SCLT1: variants seen among roughly 807,000 people sequenced by gnomAD.
The protein encoded by SCLT1 is sodium channel-associated protein 1.
Under a neutral mutation model 112.8 loss-of-function variants are expected in SCLT1, and 78 were observed. The ratio of observed to expected loss-of-function variants is 0.69; its 90% CI spans 0.58 to 0.83. The LOEUF is 0.83. SCLT1 is among the 40% of genes least tolerant of loss of function. The pLI is 0.00. For synonymous variants in SCLT1, 257 were observed against 254.7 expected, an observed-to-expected ratio of 1.01 and a Z score of -0.09; for missense variants, 747 against 770.4, an observed-to-expected ratio of 0.97 and a Z score of 0.36.
intron 6 of SCLT1, among the ~76,000 whole-genome samples, chr4:129,000,147 A>AT (rs1315010378): frequency 1.3e-5 from 2 of 151,852 alleles, no homozygotes; most frequent in African/African-American, 2.4e-5. Flanking sequence ...AAAGTACAAT[A>AT]TTTTTTTCCT....
At chr4:129,076,681 T>C (rs1236696633) in intron 2 of SCLT1, among the ~76,000 whole-genome samples, 3 of 141,726 alleles carry the variant, frequency 2.1e-5, no homozygotes, top group Non-Finnish European at 4.8e-5. Flanking sequence ...AAAAAGCAAG[T>C]ATTCAAGAAA....
At chr4:128,989,784 AC>A (rs1354425440) in intron 9 of SCLT1, among the ~76,000 whole-genome samples, 1 of 151,856 alleles carries the variant, frequency 6.6e-6, no homozygotes, top group Admixed American at 6.6e-5. Flanking sequence ...AACTGAAACC[AC>A]AAAAATTCAA....
At chr4:128,873,273 G>GAAAAAAAAAAAAA (rs1553953485) in intron 5 of SCLT1, 1 of 78,660 alleles carries the variant, frequency 1.3e-5, no homozygotes, top group African/African-American at 4.7e-5. Flanking sequence ...AAAAAAAAAA[G>GAAAAAAAAAAAAA]AAAAAAAGAA....
downstream of SCLT1, among the ~76,000 whole-genome samples, chr4:128,879,482 C>CAAT (rs1732593975): frequency 6.6e-6 from 1 of 152,140 alleles, no homozygotes; most frequent in African/African-American, 2.4e-5. Context: ...CAATGTTGCA[C>CAAT]AATAGTACAA....
chr4:128,980,637 GC>G (rs1377581734), intron 9 of SCLT1, among the ~76,000 whole-genome samples: 1 of 151,986 alleles, frequency 6.6e-6, no homozygotes, highest in Non-Finnish European at 1.5e-5. Flanking sequence ...AATATTTAAG[GC>G]TCTAGCACCC....
intron 18 of SCLT1, among the ~76,000 whole-genome samples, chr4:128,896,990 A>T (rs1312869667): frequency 6.6e-6 from 1 of 152,160 alleles, no homozygotes; most frequent in Non-Finnish European, 1.5e-5. Context: ...AATAAAAAGA[A>T]ACGAACAAAG....
At chr4:129,027,143 T>A (rs1164113854) in intron 5 of SCLT1, among the ~76,000 whole-genome samples, 1 of 152,146 alleles carries the variant, frequency 6.6e-6, no homozygotes, top group African/African-American at 2.4e-5. Context: ...CTGGTACCAT[T>A]CCTTCCGAAA....
At chr4:128,996,107 CT>C (rs1166030434) in intron 8 of SCLT1, among the ~76,000 whole-genome samples, 1 of 151,970 alleles carries the variant, frequency 6.6e-6, no homozygotes, top group South Asian at 2.1e-4. Context: ...GCTAAGGGGT[CT>C]TTTTTTGATC....
chr4:128,909,068 G>A (rs1734903188), intron 18 of SCLT1, among the ~76,000 whole-genome samples: 2 of 152,086 alleles, frequency 1.3e-5, no homozygotes, highest in Admixed American at 1.3e-4. Flanking sequence ...CAAACATACT[G>A]ATTGTATTAC....
chr4:129,031,310 C>G (rs536671331), intron 5 of SCLT1, among the ~76,000 whole-genome samples: 1 of 152,150 alleles, frequency 6.6e-6, no homozygotes, highest in East Asian at 1.9e-4. Context: ...TGGAGCATTT[C>G]TCAAATTAGT....
intron 2 of SCLT1, among the ~76,000 whole-genome samples, chr4:129,064,246 T>C (rs1436990610): frequency 1.4e-4 from 21 of 152,220 alleles, no homozygotes; most frequent in Admixed American, 1.4e-3. Flanking sequence ...TATATATGGT[T>C]TGCAAATTTT....
chr4:128,879,744 ATTGT>A (rs1030316559), downstream of SCLT1, among the ~76,000 whole-genome samples: 3 of 152,184 alleles, frequency 2.0e-5, no homozygotes, highest in African/African-American at 7.2e-5. Context: ...TCTCCACTGG[ATTGT>A]TTTAGTTATT....
chr4:128,888,759 G>T lies in SCLT1; in HGVS notation c.1924C>A (p.Leu642Ile). ...EKVAENEKLI[L>I]EHQEKANRLQ... ...CTGTTGGCTTTTTCTTGATGCTCTA[G>T]AATTAGCTTTTCATTCTATTAAGGG... The change falls in exon 20 of 21, where the codon CTA (leucine) becomes ATA (isoleucine). Residue 642 changes from leucine to isoleucine, a missense_variant. Coordinates refer to ENST00000281142, the MANE Select transcript of SCLT1 (RefSeq NM_144643.4). 6.2e-7 allele frequency: 1 copy of T among 1,607,162 alleles called. No homozygotes were observed. The highest frequency in any genetic ancestry group is 8.5e-7 in the Non-Finnish European group (1 of 1,174,202).
At chr4:128,990,679 T>C (rs2126066925) in intron 9 of SCLT1, among the ~76,000 whole-genome samples, 1 of 151,954 alleles carries the variant, frequency 6.6e-6, no homozygotes, top group South Asian at 2.1e-4. Flanking sequence ...GACATGATCT[T>C]ATATTTAGAA....
intron 15 of SCLT1, among the ~76,000 whole-genome samples, chr4:128,947,048 C>G (rs1437882471): frequency 6.6e-6 from 1 of 152,216 alleles, no homozygotes; most frequent in Non-Finnish European, 1.5e-5. Flanking sequence ...ACTGACAGGA[C>G]TGCTTTGTCA....
intron 18 of SCLT1, among the ~76,000 whole-genome samples, chr4:128,904,267 G>T (rs778681667): frequency 1.3e-5 from 2 of 152,042 alleles, no homozygotes; most frequent in Non-Finnish European, 2.9e-5. Context: ...ACTGGGAAGT[G>T]CTTAGTTCAT....
At chr4:128,978,913 G>T (rs965606310) in intron 9 of SCLT1, among the ~76,000 whole-genome samples, 1 of 151,978 alleles carries the variant, frequency 6.6e-6, no homozygotes, top group African/African-American at 2.4e-5. Flanking sequence ...GAGAAAGAAA[G>T]AAATGGTTAC....
At chr4:128,983,965 C>T (rs996143231) in intron 9 of SCLT1, among the ~76,000 whole-genome samples, 5 of 152,216 alleles carry the variant, frequency 3.3e-5, no homozygotes, top group African/African-American at 1.2e-4. Context: ...CACTCTCTTC[C>T]GTAAAAGAAG....
intron 2 of SCLT1, among the ~76,000 whole-genome samples, chr4:129,059,360 T>A (rs1749743794): frequency 6.6e-6 from 1 of 152,188 alleles, no homozygotes; most frequent in Non-Finnish European, 1.5e-5. Flanking sequence ...CTTTTGCTCC[T>A]GTTTTTCTCT....
Sources: gnomAD v4.1 joint callset for allele counts (sites outside exome capture counted in the v4.1 genomes callset) on GRCh38, gnomAD v4.1.1 for gene constraint, MANE v1.5 for transcripts, NCBI Gene and HGNC (gene_info 2026-07-23, HGNC 2026-07-21) for gene names.